The following EPB41L4B variants were observed in gnomAD, a reference collection of about 807,000 sequenced individuals.
EPB41L4B encodes erythrocyte membrane protein band 4.1 like 4B.
Under a neutral mutation model 112.5 loss-of-function variants are expected in EPB41L4B, and 30 were observed. The observed-to-expected ratio is 0.27, with a 90% CI of 0.20 to 0.36. The LOEUF (loss-of-function observed/expected upper bound fraction) is 0.36. Among genes scored for constraint, EPB41L4B ranks in the 10% least tolerant of loss-of-function variants. EPB41L4B has a pLI of 1.00. For synonymous variants in EPB41L4B, 408 were observed against 439.7 expected, an observed-to-expected ratio of 0.93 and a Z score of 0.90; for missense variants, 1,024 against 1,133.3, an observed-to-expected ratio of 0.90 and a Z score of 1.38.
chr9:109,256,634 T>C (rs1183322456), intron 7 of EPB41L4B, among the ~76,000 whole-genome samples, 154 bp from the exon 8 acceptor site: 2 of 152,236 alleles, frequency 1.3e-5, no homozygotes, highest in African/African-American at 2.4e-5. Flanking sequence ...GACCTTACTG[T>C]TAATTGACTA....
At chr9:109,241,940 A>G in intron 15 of EPB41L4B, 1 of 800,586 alleles carries the variant, frequency 1.2e-6, no homozygotes, top group Non-Finnish European at 2.0e-6. Flanking sequence ...ATGGCTATGA[A>G]TGGAAATGAA....
intron 15 of EPB41L4B, chr9:109,241,696 A>G: frequency 6.2e-7 from 1 of 1,614,166 alleles, no homozygotes; most frequent in Non-Finnish European, 8.5e-7. Context: ...TCGATACATC[A>G]TACTTTGCAT....
chr9:109,257,190 T>A (rs779100438), intron 7 of EPB41L4B, among the ~76,000 whole-genome samples: 3 of 152,084 alleles, frequency 2.0e-5, no homozygotes, highest in Non-Finnish European at 4.4e-5. Context: ...ACTAAAATAG[T>A]CACAGGAGCT....
chr9:109,286,748 C>G (rs1252529601), intron 1 of EPB41L4B, among the ~76,000 whole-genome samples: 3 of 152,144 alleles, frequency 2.0e-5, no homozygotes, highest in African/African-American at 4.8e-5. Flanking sequence ...CTTGAGGGGC[C>G]AAGTCATCCA....
At chr9:109,316,575 A>G (rs10979822) in intron 1 of EPB41L4B, among the ~76,000 whole-genome samples, 10,921 of 152,144 alleles carry the variant, frequency 0.072, 521 homozygotes, top group East Asian at 0.14. Flanking sequence ...GGCAGGGCTG[A>G]GCTAGGCTAA....
chr9:109,247,759 G>T lies in EPB41L4B; in HGVS notation c.1341C>A (p.Tyr447Ter). ...ACCTTTAAAAGCAGTATCTTACCTGGTAATTATGGACTTCTGGATTTGTTT... is the reference window on the plus strand; with the variant it reads ...ACCTTTAAAAGCAGTATCTTACCTGTTAATTATGGACTTCTGGATTTGTTT... ...CSKTNPEVHNYQPQYHPNIHP... is the reference protein window; with the variant it reads ...CSKTNPEVHN Residue 447 changes from tyrosine to a stop codon, truncating the protein, a stop_gained, in exon 14 of 26, where the codon TAC becomes TAA. Coordinates refer to ENST00000374566, the MANE Select transcript of EPB41L4B (RefSeq NM_019114.5). LOFTEE classifies it high-confidence loss of function. 1.3e-6 allele frequency: 2 copies of T among 1,482,056 alleles called. No individual in the cohort carries two copies. The highest frequency in any genetic ancestry group is 1.4e-5 in the South Asian group (1 of 69,954). 91.8% of individuals were successfully genotyped at this position (1,482,056 alleles called of 1,614,324 possible). A position where few individuals can be genotyped will look rare whatever the true frequency, so the allele number is the denominator to read the frequency against.
chr9:109,265,039 C>A lies in EPB41L4B; in HGVS notation c.534-15G>T. The A allele has an allele frequency of 6.3e-7, 1 of 1,598,888 alleles. No homozygotes were observed. Among genetic ancestry groups the A allele is most frequent in the Non-Finnish European group, 8.5e-7 (1 of 1,175,506 alleles). ...CAAACAGGTACCTGACAAACATATA[C>A]AAAAGTCAACAGAGGGTAACTCTTT... On this transcript the variant is annotated splice_polypyrimidine_tract_variant and intron_variant, in intron 4 of 25. Coordinates refer to ENST00000374566, the MANE Select transcript of EPB41L4B (RefSeq NM_019114.5).
At chr9:109,202,020 CAA>C (rs919033871) in intron 19 of EPB41L4B, among the ~76,000 whole-genome samples, 44 of 151,978 alleles carry the variant, frequency 2.9e-4, no homozygotes, top group African/African-American at 1.0e-3. Flanking sequence ...AAGGTATAGA[CAA>C]GAGGAAAAGA....
intron 1 of EPB41L4B, among the ~76,000 whole-genome samples, chr9:109,281,131 T>TA (rs1374009198): frequency 8.6e-5 from 13 of 151,964 alleles, no homozygotes; most frequent in African/African-American, 2.9e-4. Context: ...TGAGACTTTT[T>TA]TTTTTTTTTT....
intron 15 of EPB41L4B, among the ~76,000 whole-genome samples, chr9:109,237,055 A>G (rs1378113664): frequency 6.6e-6 from 1 of 152,218 alleles, no homozygotes; most frequent in Non-Finnish European, 1.5e-5. Flanking sequence ...TAAAAGCTGT[A>G]AAGTCAAGGG....
chr9:109,239,690 G>A lies in EPB41L4B; in HGVS notation c.1409+3928C>T, dbSNP rs1834285311. 7 of 300,750 alleles carry A rather than the reference G, an allele frequency of 2.3e-5. No individual in the cohort carries two copies. In the South Asian group the frequency reaches 9.0e-4, roughly 39 times the overall value. The allele number at this position is 300,750 out of a possible 1,614,324, so 18.6% of individuals were successfully genotyped here. ...GGATATCATAAGTATGCATACTGGT[G>A]AGGCTTCTTGGTTGCAGACAACTGA... On this transcript the variant is annotated intron_variant, in intron 15 of 25. Transcript: ENST00000374566.
At chr9:109,211,408 A>T (rs952403293) in intron 17 of EPB41L4B, among the ~76,000 whole-genome samples, 1 of 151,996 alleles carries the variant, frequency 6.6e-6, no homozygotes, top group African/African-American at 2.4e-5. Context: ...CAGCCTGACC[A>T]ACATGGTGAA....
At chr9:109,288,521 C>T (rs957846969) in intron 1 of EPB41L4B, among the ~76,000 whole-genome samples, 6 of 151,810 alleles carry the variant, frequency 4.0e-5, no homozygotes, top group African/African-American at 9.7e-5. Flanking sequence ...GAGATCAAGA[C>T]CATCCTGGCT....
At chr9:109,268,313 A>G (rs991284835) in intron 3 of EPB41L4B, 78 bp downstream of exon 3, 43 of 1,319,664 alleles carry the variant, frequency 3.3e-5, no homozygotes, top group Non-Finnish European at 4.2e-5. Flanking sequence ...TAATGAAAAC[A>G]TAACACCTCA....
intron 15 of EPB41L4B, among the ~76,000 whole-genome samples, chr9:109,219,575 C>T (rs1437977033): frequency 3.9e-5 from 6 of 151,910 alleles, no homozygotes; most frequent in South Asian, 2.1e-4. Flanking sequence ...TTAGCCAGGA[C>T]GGTCTCGATC....
At chr9:109,209,592 A>C (rs1833091214) in intron 17 of EPB41L4B, among the ~76,000 whole-genome samples, 1 of 151,462 alleles carries the variant, frequency 6.6e-6, no homozygotes, top group South Asian at 2.1e-4. Context: ...GGTTGCAGTG[A>C]GCCAAGACTG....
At chr9:109,225,311 T>A (rs1833719503) in intron 15 of EPB41L4B, among the ~76,000 whole-genome samples, 1 of 152,242 alleles carries the variant, frequency 6.6e-6, no homozygotes, top group Admixed American at 6.5e-5. Context: ...TGAGATGTTA[T>A]CTTTGCCCTG....
At position 109,255,775 on chromosome 9, in the gene EPB41L4B, T is replaced by C; in HGVS notation, c.998A>G (p.Gln333Arg). The C allele has an allele frequency of 6.2e-7, 1 of 1,613,830 alleles. No homozygotes were observed. The highest frequency in any genetic ancestry group is 8.5e-7 in the Non-Finnish European group (1 of 1,179,932). ...LTLVVVEDDD[Q>R]GREQEHTFVF... is the part of the protein sequence containing the mutation. The stretch of plus-strand genomic sequence containing the variant: ...GGAAGAAATGGGAGCCAGGCCTACC[T>C]GATCATCATCCTCGACCACCACGAG... Residue 333 changes from glutamine to arginine, a missense_variant and splice_region_variant, in exon 10 of 26, where the codon CAG (glutamine) becomes CGG (arginine). Transcript: ENST00000374566.
chr9:109,209,888 G>A (rs950773063), intron 17 of EPB41L4B, among the ~76,000 whole-genome samples: 5 of 152,306 alleles, frequency 3.3e-5, no homozygotes, highest in African/African-American at 1.2e-4. Flanking sequence ...GTAAGCAGAG[G>A]AGCCAAGATT....
Sources: allele counts gnomAD v4.1 joint callset (sites outside exome capture counted in the v4.1 genomes callset), GRCh38; gene constraint gnomAD v4.1.1; transcripts MANE v1.5; gene names NCBI Gene and HGNC (gene_info 2026-07-23, HGNC 2026-07-21).